HLF: variants seen among roughly 807,000 people sequenced by gnomAD.
The protein encoded by HLF is HLF transcription factor, PAR bZIP family member, also known as hepatic leukemia factor.
HLF carries 3 observed loss-of-function variants against 22.6 expected under a neutral mutation model. The observed-to-expected ratio is 0.13, with a 90% CI of 0.06 to 0.34. HLF has a LOEUF of 0.34. Among genes scored for constraint, HLF ranks in the 10% least tolerant of loss-of-function variants. The pLI is 1.00. For synonymous variants in HLF, 151 were observed against 151.8 expected (o/e 0.99, Z 0.04); for missense variants, 299 against 389.2 (o/e 0.77, Z 1.95).
chr17:55,277,227 C>T (rs906677084), intron 2 of HLF, among the ~76,000 whole-genome samples: 3 of 120,390 alleles, frequency 2.5e-5, no homozygotes, highest in African/African-American at 9.6e-5. Context: ...TATATTGAAC[C>T]AGATGTTATG....
chr17:55,298,565 A>C (rs529412951), intron 2 of HLF, among the ~76,000 whole-genome samples: 1 of 152,344 alleles, frequency 6.6e-6, no homozygotes, highest in East Asian at 1.9e-4. Flanking sequence ...GGAAAATTTC[A>C]GTTTTTCTGA....
At chr17:55,298,651 G>A (rs1304476645) in intron 2 of HLF, among the ~76,000 whole-genome samples, 1 of 152,186 alleles carries the variant, frequency 6.6e-6, no homozygotes, top group African/African-American at 2.4e-5. Context: ...TGACTGTAAA[G>A]CAAGGCTGAA....
At position 55,267,859 on chromosome 17, in the gene HLF, C is replaced by T. The variant is rs752578837; in HGVS notation, c.224C>T (p.Pro75Leu). 6.2e-7 allele frequency: 1 copy of T among 1,614,088 alleles called. No individual in the cohort carries two copies. Among genetic ancestry groups the T allele is most frequent in the South Asian group, 1.1e-5 (1 of 91,074 alleles). ...CCTACCTTATGGGACAAAACCCTTC[C>T]CTATGACGGAGATACTTTCCAGTTG... ...LGPTLWDKTL[P>L]YDGDTFQLEY... is the part of the protein sequence containing the mutation. The change falls in exon 2 of 4, where the codon CCC becomes CTC. Residue 75 changes from proline to leucine, a missense_variant. Physicochemically the swap from Pro to Leu is moderately conservative, Grantham distance 98 (BLOSUM62 -3). Transcript: ENST00000226067.
chr17:55,301,944 G>A (rs2081160272), intron 2 of HLF, among the ~76,000 whole-genome samples: 1 of 152,244 alleles, frequency 6.6e-6, no homozygotes, highest in Non-Finnish European at 1.5e-5. Context: ...TCTGGAAGGA[G>A]CCTTTGCTAT....
chr17:55,310,666 TATAAAC>T (rs1260265554), intron 2 of HLF, among the ~76,000 whole-genome samples: 4 of 152,178 alleles, frequency 2.6e-5, no homozygotes, highest in Non-Finnish European at 5.9e-5. Flanking sequence ...AAGTAGGAAT[TATAAAC>T]ATAGAAAGGA....
At position 55,320,586 on chromosome 17, in the gene HLF, GC is replaced by G. The variant is rs1905229608; in HGVS notation, c.673-75del. On this transcript the variant is annotated intron_variant, in intron 3 of 3. Transcript: ENST00000226067. The surrounding 1 kb of genome is among the most constrained non-coding windows in gnomAD (Gnocchi z 4.2). ...GCACCTCTGCACAATCCTGGAGCCT[GC>G]CCGTGCCCTGGCTGGCACTGGGCTT... 5 of 1,318,818 alleles carry G rather than the reference GC, an allele frequency of 3.8e-6. No individual in the cohort carries two copies. Among genetic ancestry groups the G allele is most frequent in the African/African-American group, 2.9e-5 (2 of 68,668 alleles). The allele number at this position is 1,318,818 out of a possible 1,614,324, so 81.7% of individuals were successfully genotyped here. A position where few individuals can be genotyped will look rare whatever the true frequency, so the allele number is the denominator to read the frequency against.
intron 2 of HLF, among the ~76,000 whole-genome samples, chr17:55,282,718 G>A (rs945899241): frequency 6.6e-6 from 1 of 152,162 alleles, no homozygotes; most frequent in Non-Finnish European, 1.5e-5. Context: ...ACGACTCTGT[G>A]TTCAAAGACT....
At chr17:55,317,129 G>A (rs372311414) in intron 3 of HLF, among the ~76,000 whole-genome samples, 9 of 152,014 alleles carry the variant, frequency 5.9e-5, no homozygotes, top group South Asian at 2.1e-4. Context: ...CACCACGCCC[G>A]GCTAATTTTT....
chr17:55,286,622 C>A (rs1014298848), intron 2 of HLF, among the ~76,000 whole-genome samples: 1 of 152,122 alleles, frequency 6.6e-6, no homozygotes, highest in Non-Finnish European at 1.5e-5. Flanking sequence ...ATAATAATGA[C>A]GTTTCTTTTC....
At chr17:55,316,094 A>C (rs1015047028) in intron 3 of HLF, among the ~76,000 whole-genome samples, 1 of 152,256 alleles carries the variant, frequency 6.6e-6, no homozygotes, top group Non-Finnish European at 1.5e-5. Flanking sequence ...TATAAAGGGA[A>C]ATAGATTTAC....
intron 2 of HLF, among the ~76,000 whole-genome samples, chr17:55,309,442 T>C (rs115306534): frequency 1.8e-3 from 278 of 152,298 alleles, no homozygotes; most frequent in African/African-American, 6.4e-3. Context: ...TCAGCTGTAA[T>C]CCCTGATGAT....
chr17:55,277,233 TTATGTGTATGTGTGTGTGTG>T (rs1319687523), intron 2 of HLF, among the ~76,000 whole-genome samples: 1 of 138,954 alleles, frequency 7.2e-6, no homozygotes. Flanking sequence ...GAACCAGATG[TTATGTGTATGTGTGTGTGTG>T]TGTGTGTGTG....
chr17:55,267,665 T>A, intron 1 of HLF, 86 bp from the exon 2 acceptor site: 1 of 939,468 alleles, frequency 1.1e-6, no homozygotes, highest in Non-Finnish European at 1.6e-6. Flanking sequence ...AATAGTCTTA[T>A]AACAGGCCAG....
At chr17:55,297,551 T>TGCTGCTCTTGAA (rs2081120782) in intron 2 of HLF, among the ~76,000 whole-genome samples, 3 of 151,876 alleles carry the variant, frequency 2.0e-5, no homozygotes, top group Non-Finnish European at 4.4e-5. Context: ...ATTGCTCTTC[T>TGCTGCTCTTGAA]TTACTGCCTG....
chr17:55,319,014 T>C (rs1258479189), intron 3 of HLF: 1 of 152,446 alleles, frequency 6.6e-6, no homozygotes, highest in African/African-American at 2.4e-5. Flanking sequence ...CCAGGTATTC[T>C]TCAAAGAGCA....
chr17:55,265,687 C>G (rs2080781127), intron 1 of HLF, 88 bp downstream of exon 1: 1 of 1,121,278 alleles, frequency 8.9e-7, no homozygotes, highest in Non-Finnish European at 1.2e-6. Context: ...GAGCATCCCC[C>G]AACCCCGCTC....
rs532135509 is a variant in HLF at position 55,267,622 on chromosome 17, AG to A, written c.116-128del. 5.8e-4 allele frequency: 367 copies of A among 627,630 alleles called. 3 individuals carry two copies. The South Asian group carries it at 7.6e-3, about 13-fold the overall frequency. 38.9% of individuals were successfully genotyped at this position (627,630 alleles called of 1,614,324 possible). A position where few individuals can be genotyped will look rare whatever the true frequency, so the allele number is the denominator to read the frequency against. ...TTTTAACTCTAGATCTACAAAAGACAGCAGCCAGAGAAGGACCCTGCCATTC... is the reference window on the plus strand; with the variant it reads ...TTTTAACTCTAGATCTACAAAAGACACAGCCAGAGAAGGACCCTGCCATTC... On this transcript the variant is annotated intron_variant, in intron 1 of 3. Transcript: ENST00000226067.
intron 2 of HLF, among the ~76,000 whole-genome samples, chr17:55,313,420 A>T (rs191933825): frequency 6.6e-6 from 1 of 151,596 alleles, no homozygotes; most frequent in Admixed American, 6.6e-5. Context: ...AATAAAGGAG[A>T]ACATTTTGAT....
intron 3 of HLF, among the ~76,000 whole-genome samples, chr17:55,317,237 G>A (rs1456836011): frequency 6.6e-6 from 1 of 152,090 alleles, no homozygotes; most frequent in Non-Finnish European, 1.5e-5. Context: ...AAAGTGCTGG[G>A]ATTACAGGTG....
Sources: gnomAD v4.1 joint callset for allele counts (sites outside exome capture counted in the v4.1 genomes callset) on GRCh38, gnomAD v4.1.1 for gene constraint, Gnocchi (gnomAD v3.1) non-coding constraint, MANE v1.5 for transcripts, NCBI Gene and HGNC (gene_info 2026-07-23, HGNC 2026-07-21) for gene names.